EEF1D: variants seen among roughly 807,000 people sequenced by gnomAD.
EEF1D encodes the protein eukaryotic translation elongation factor 1 delta, also known as elongation factor 1-delta.
EEF1D carries 47 observed loss-of-function variants against 63.9 expected under a neutral mutation model. The observed-to-expected ratio is 0.74, with a 90% CI of 0.58 to 0.94. EEF1D has a LOEUF of 0.94. Ranked by LOEUF, EEF1D falls within the 40% of genes least tolerant of loss-of-function variation. The pLI, the probability that EEF1D is intolerant of heterozygous loss-of-function variation, is 0.00. For synonymous variants in EEF1D, 412 were observed against 386.1 expected, an observed-to-expected ratio of 1.07 and a Z score of -0.79; for missense variants, 907 against 899.0, an observed-to-expected ratio of 1.01 and a Z score of -0.11.
intron 2 of EEF1D, chr8:143,590,292 A>T: frequency 1.3e-6 from 1 of 780,602 alleles, no homozygotes. Context: ...TGTGAAGAGA[A>T]AACAGGCCGG....
Position 143,579,993 on chromosome 8 carries a change from C to T in EEF1D, c.1905+19G>A, listed in dbSNP as rs747324223. ...TCCCCAGTCTCCTCTCCCCTCCTCT[C>T]CCCGGCCGGCTCACTCACGTGCTCC... On this transcript the variant is annotated intron_variant, in intron 9 of 9. Transcript: ENST00000618139. The T allele has an allele frequency of 1.2e-6, 2 of 1,609,560 alleles. No individual in the cohort carries two copies. The highest frequency in any genetic ancestry group is 1.7e-5 in the Admixed American group (1 of 59,834).
Position 143,586,711 on chromosome 8 carries a change from C to A in EEF1D, c.1215+18G>T. ...TCGGGCAGCAGAGCCGCCCAGCCGC[C>A]CCACGTGCAGCTCTCACCTGGCGGG... is the stretch of plus-strand genomic sequence containing the variant. On this transcript the variant is annotated intron_variant, in intron 4 of 9. Coordinates refer to ENST00000618139, the MANE Select transcript of EEF1D (RefSeq NM_001130053.5). 1 of 1,610,744 alleles carries A rather than the reference C, an allele frequency of 6.2e-7. No homozygotes were observed. The highest frequency in any genetic ancestry group is 8.5e-7 in the Non-Finnish European group (1 of 1,179,152).
At chr8:143,594,086 G>C (rs951855505) in intron 1 of EEF1D, 12 of 198,828 alleles carry the variant, frequency 6.0e-5, no homozygotes, top group Non-Finnish European at 7.3e-5. Context: ...AGAGAACACA[G>C]GGAGACAGCT....
intron 1 of EEF1D, among the ~76,000 whole-genome samples, chr8:143,595,635 T>A (rs1369227338): frequency 6.6e-6 from 1 of 152,222 alleles, no homozygotes; most frequent in Non-Finnish European, 1.5e-5. Context: ...GAGCACTCAC[T>A]GTAGCTACCC....
chr8:143,595,203 G>A (rs1008868051), intron 1 of EEF1D, among the ~76,000 whole-genome samples: 4 of 151,294 alleles, frequency 2.6e-5, no homozygotes, highest in African/African-American at 9.7e-5. Context: ...CCAAGTAGCT[G>A]GGATTACAGG....
chr8:143,589,319 G>A lies in EEF1D; in HGVS notation c.763C>T (p.Pro255Ser), dbSNP rs756800060. Residue 255 changes from proline (P) to serine (S), a missense_variant, in exon 3 of 10, where the codon CCC (proline) becomes TCC (serine). Coordinates refer to ENST00000618139, the MANE Select transcript of EEF1D (RefSeq NM_001130053.5). ...TCTTGCAGGCGCACCTTCCCTGGGG[G>A]ATGGCCGTCAAACAGGGCCTCGTAG... ...GFYEALFDGH[P>S]PGKVRLQERA... is the part of the protein sequence containing the mutation. 1.1e-5 allele frequency: 18 copies of A among 1,586,212 alleles called. No individual in the cohort carries two copies. In the East Asian group the frequency reaches 3.5e-4, roughly 30 times the overall value.
intron 2 of EEF1D, 126 bp from the exon 3 acceptor site, chr8:143,590,207 GGATGCT>G: frequency 7.2e-7 from 1 of 1,381,986 alleles, no homozygotes; most frequent in Non-Finnish European, 1.0e-6. Flanking sequence ...CAGGGGCTGA[GGATGCT>G]CCCCAGTGGG....
At chr8:143,592,260 T>C (rs1433407092) in intron 2 of EEF1D, 4 of 985,500 alleles carry the variant, frequency 4.1e-6, no homozygotes, top group African/African-American at 1.7e-5. Context: ...GCCCCCAGTG[T>C]TGATGCCCTA....
chr8:143,590,270 G>A (rs2131167314), intron 2 of EEF1D, 189 bp from the exon 3 acceptor site: 2 of 890,486 alleles, frequency 2.2e-6, no homozygotes, highest in East Asian at 5.3e-5. Flanking sequence ...AGCCCATGTG[G>A]GGACGTTTTG....
chr8:143,586,367 C>T, intron 4 of EEF1D, 77 bp from the exon 5 acceptor site: 1 of 1,318,238 alleles, frequency 7.6e-7, no homozygotes, highest in East Asian at 2.6e-5. Flanking sequence ...ACCAAAAAAC[C>T]CCATGAACCC....
Position 143,581,259 on chromosome 8 carries a change from G to C in EEF1D, c.1357C>G (p.Leu453Val). 1.9e-6 allele frequency: 3 copies of C among 1,612,734 alleles called. No homozygotes were observed. In the East Asian group the frequency reaches 6.7e-5, roughly 36 times the overall value. ...HGELVVRIASLEVENQSLRGV... is the reference protein window; with the variant it reads ...HGELVVRIASVEVENQSLRGV... ...CGCAGACTCTGGTTCTCCACTTCCA[G>C]ACTGGCAATCCGGACGACGAGCTCA... Residue 453 changes from leucine to valine, a missense_variant, in exon 6 of 10, where the codon CTG becomes GTG. Transcript: ENST00000618139.
intron 6 of EEF1D, 25 bp from the exon 7 acceptor site, chr8:143,581,179 T>C: frequency 6.2e-7 from 1 of 1,612,824 alleles, no homozygotes; most frequent in South Asian, 1.1e-5. Context: ...GGAGCACGGT[T>C]AGATGGCAGG....
chr8:143,586,586 C>T (rs58477175), intron 4 of EEF1D, 143 bp downstream of exon 4: 91,969 of 1,264,052 alleles, frequency 0.073, 3,798 homozygotes, highest in East Asian at 0.15. Flanking sequence ...CCGCCTGCCC[C>T]GAGACCCCAC....
chr8:143,592,278 TTA>T (rs1174342238), intron 2 of EEF1D: 1 of 984,956 alleles, frequency 1.0e-6, no homozygotes, highest in Non-Finnish European at 1.2e-6. Flanking sequence ...CTACCAGACT[TTA>T]TTGGCCAAAG....
chr8:143,597,198 T>A (rs1376462445), intron 1 of EEF1D, 150 bp downstream of exon 1: 13 of 152,014 alleles, frequency 8.6e-5, no homozygotes, highest in African/African-American at 3.1e-4. Context: ...GTGCCGCACT[T>A]GGCCCACGGC....
chr8:143,579,959 G>A lies in EEF1D; in HGVS notation c.1905+53C>T, dbSNP rs909307221. ...TGCCGTGGGGTGGAGTGCAGGGTAT[G>A]GGCCAGGGTCCCCAGTCTCCTCTCC... On this transcript the variant is annotated intron_variant, in intron 9 of 9. Transcript: ENST00000618139. The A allele has an allele frequency of 5.0e-6, 8 of 1,586,270 alleles. No homozygotes were observed. In the African/African-American group the frequency reaches 8.0e-5, roughly 16 times the overall value.
intron 5 of EEF1D, 47 bp from the exon 6 acceptor site, chr8:143,581,375 G>C: frequency 1.3e-6 from 2 of 1,547,738 alleles, no homozygotes; most frequent in Admixed American, 3.6e-5. Context: ...CCTGCTCCTA[G>C]GGTCCCCCTG....
rs1213617045 is a variant in EEF1D, at chr8:143,586,296, G to A, written c.1216-6C>T. The A allele has an allele frequency of 1.9e-6, 3 of 1,585,446 alleles. No homozygotes were observed. The highest frequency in any genetic ancestry group is 2.6e-6 in the Non-Finnish European group (3 of 1,168,524). ...ATCACGCTGGCGCCGTTCTCCTGCAGACAGTGCAGAAAGAACCAGTCTTTT... is the reference window on the plus strand; with the variant it reads ...ATCACGCTGGCGCCGTTCTCCTGCAAACAGTGCAGAAAGAACCAGTCTTTT... On this transcript the variant is annotated splice_region_variant and splice_polypyrimidine_tract_variant and intron_variant, in intron 4 of 9. Coordinates refer to ENST00000618139, the MANE Select transcript of EEF1D (RefSeq NM_001130053.5).
intron 1 of EEF1D, 87 bp from the exon 2 acceptor site, chr8:143,592,747 C>A: frequency 1.0e-6 from 1 of 977,348 alleles, no homozygotes; most frequent in Non-Finnish European, 1.2e-6. Flanking sequence ...CAGCCCGGGG[C>A]GGCCGGGGGC....
Sources: allele counts gnomAD v4.1 joint callset (sites outside exome capture counted in the v4.1 genomes callset), GRCh38; gene constraint gnomAD v4.1.1; transcripts MANE v1.5; gene names NCBI Gene and HGNC (gene_info 2026-07-23, HGNC 2026-07-21).